Variants in CTSL observed in about 807,000 individuals in gnomAD.
CTSL encodes procathepsin L.
In CTSL, 23 loss-of-function variants were observed where a neutral mutation model predicts 34.7. The ratio of observed to expected loss-of-function variants is 0.66; its 90% CI spans 0.48 to 0.94. The LOEUF (loss-of-function observed/expected upper bound fraction) is 0.94, where lower values mean the gene tolerates loss of function less well. Ranked by LOEUF, CTSL falls within the 40% of genes least tolerant of loss-of-function variation. The probability of loss-of-function intolerance (pLI) is 0.00; values close to 1 mark genes in which losing one functional copy is unlikely to be tolerated. For synonymous variants in CTSL, 129 were observed against 136.7 expected (o/e 0.94, Z 0.39); for missense variants, 361 against 406.3 (o/e 0.89, Z 0.96).
At chr9:87,727,940 T>G in intron 2 of CTSL, 87 bp from the exon 3 acceptor site, 1 of 1,580,202 alleles carries the variant, frequency 6.3e-7, no homozygotes, top group South Asian at 1.1e-5. Flanking sequence ...ATGGTTTCTC[T>G]TCCATCTCTG....
In CTSL at chr9:87,731,324, CTT is replaced by C. The variant is rs561658820; in HGVS notation, c.*219_*220del. 1.6e-5 allele frequency: 6 copies of C among 379,512 alleles called. No homozygotes were observed. In the Admixed American group the frequency reaches 1.8e-4, roughly 11 times the overall value. The allele number at this position is 379,512 out of a possible 1,614,324, so 23.5% of individuals were successfully genotyped here. ...TTTATATTATTGATTCACTTACTGA[CTT>C]TGCATTTTCGTTTTTAAAAGGATGT... On this transcript the variant is annotated 3_prime_UTR_variant, in exon 8 of 8. Coordinates refer to ENST00000343150, the MANE Select transcript of CTSL (RefSeq NM_001912.5).
At chr9:87,727,869 A>C in intron 2 of CTSL, 140 bp downstream of exon 2, 1 of 1,399,112 alleles carries the variant, frequency 7.1e-7, no homozygotes, top group Non-Finnish European at 9.9e-7. Context: ...GTGGACATTC[A>C]TCCTTGTTGT....
rs1160218489 is a variant in CTSL at position 87,729,740 on chromosome 9, G to A, written c.784+5G>A. Reference sequence around the variant, plus strand: ...CCTTCCTGTTCTATAAAGAAGGTAAGCATATTTTTCTTTGTAGAAATTGAT... The same window carrying A: ...CCTTCCTGTTCTATAAAGAAGGTAAACATATTTTTCTTTGTAGAAATTGAT... On this transcript the variant is annotated splice_donor_5th_base_variant and intron_variant, in intron 6 of 7. Coordinates refer to ENST00000343150, the MANE Select transcript of CTSL (RefSeq NM_001912.5). 2 of 1,591,102 alleles carry A rather than the reference G, an allele frequency of 1.3e-6. No individual in the cohort carries two copies. The highest frequency in any genetic ancestry group is 1.7e-6 in the Non-Finnish European group (2 of 1,170,894).
chr9:87,727,559 G>C (rs762664177), intron 1 of CTSL, 35 bp from the exon 2 acceptor site: 2 of 1,610,716 alleles, frequency 1.2e-6, no homozygotes, highest in Non-Finnish European at 1.7e-6. Flanking sequence ...TTTAGGATTG[G>C]TCTAATCAGA....
At chr9:87,727,881 T>C (rs1826088260) in intron 2 of CTSL, 146 bp from the exon 3 acceptor site, 1 of 1,407,984 alleles carries the variant, frequency 7.1e-7, no homozygotes, top group Non-Finnish European at 9.8e-7. Context: ...CCTTGTTGTG[T>C]CTCAGTTTGG....
intron 5 of CTSL, chr9:87,729,093 G>A (rs540560266): frequency 2.2e-5 from 16 of 719,200 alleles, no homozygotes; most frequent in East Asian, 1.7e-4. Context: ...GAGGTAGGGC[G>A]ATTGCTTGAG....
chr9:87,727,483 G>T (rs1030267574), intron 1 of CTSL, 111 bp from the exon 2 acceptor site: 1 of 1,154,506 alleles, frequency 8.7e-7, no homozygotes. Flanking sequence ...ATGCTTGGGA[G>T]AATAATTTAA....
chr9:87,727,992 G>T, intron 2 of CTSL, 35 bp from the exon 3 acceptor site: 1 of 1,610,938 alleles, frequency 6.2e-7, no homozygotes, highest in Non-Finnish European at 8.5e-7. Context: ...GTTTTAGGTA[G>T]AAGTAAAGAG....
In CTSL at chr9:87,728,730, G is replaced by A. The variant is rs1419953841; in HGVS notation, c.542G>A (p.Gly181Asp). The change falls in exon 5 of 8, where the codon GGC becomes GAC. Residue 181 changes from glycine (G) to aspartate (D), a missense_variant. By Grantham distance (94) the Gly-to-Asp change is moderately conservative. Coordinates refer to ENST00000343150, the MANE Select transcript of CTSL (RefSeq NM_001912.5). ...GPQGNEGCNG[G>D]LMDYAFQYVQ... is the part of the protein sequence containing the mutation. ...CAAGGCAATGAAGGCTGCAATGGTG[G>A]CCTAATGGATTATGCTTTCCAGTAT... 1 of 1,614,168 alleles carries A rather than the reference G, an allele frequency of 6.2e-7. No homozygotes were observed. The highest frequency in any genetic ancestry group is 1.6e-4 in the Middle Eastern group (1 of 6,062).
At chr9:87,729,251 C>T (rs1826160917) in intron 5 of CTSL, among the ~76,000 whole-genome samples, 1 of 152,002 alleles carries the variant, frequency 6.6e-6, no homozygotes, top group Admixed American at 6.5e-5. Flanking sequence ...TTAGCCTTTG[C>T]ACAATCCTGT....
In CTSL at chr9:87,728,874, C is replaced by A. The variant is rs758771938; in HGVS notation, c.621+65C>A. On this transcript the variant is annotated intron_variant, in intron 5 of 7. Coordinates refer to ENST00000343150, the MANE Select transcript of CTSL (RefSeq NM_001912.5). ...GGAAGGTGGACACTTTAAGAGATAACAGATACCTTTTTCGGAATTCATATA... is the reference window on the plus strand; with the variant it reads ...GGAAGGTGGACACTTTAAGAGATAAAAGATACCTTTTTCGGAATTCATATA... 36 of 1,608,536 alleles carry A rather than the reference C, an allele frequency of 2.2e-5. 1 individual carries two copies. Among genetic ancestry groups the A allele is most frequent in the Non-Finnish European group, 8.5e-7 (1 of 1,176,606 alleles).
Position 87,728,351 on chromosome 9 carries a change from T to G in CTSL, c.351T>G (p.Ser117=), listed in dbSNP as rs139868873. 2.2e-4 allele frequency: 349 copies of G among 1,613,990 alleles called. No homozygotes were observed. Among genetic ancestry groups the G allele is most frequent in the Non-Finnish European group, 2.8e-4 (331 of 1,179,986 alleles). The change falls in exon 4 of 8, where the codon TCT becomes TCG. Residue 117 remains serine (S), a synonymous_variant. Transcript: ENST00000343150. ...QEPLFYEAPR[S]VDWREKGYVT... ...CTCTGTTTTATGAGGCCCCCAGATCTGTGGATTGGAGAGAGAAAGGCTACG... is the reference window on the plus strand; with the variant it reads ...CTCTGTTTTATGAGGCCCCCAGATCGGTGGATTGGAGAGAGAAAGGCTACG...
At chr9:87,729,798 A>T (rs368898910) in intron 6 of CTSL, 63 bp downstream of exon 6, 1 of 1,512,874 alleles carries the variant, frequency 6.6e-7, no homozygotes, top group African/African-American at 1.4e-5. Flanking sequence ...TACGAGCATG[A>T]TAGACTCTGG....
At chr9:87,729,244 G>C (rs1037729197) in intron 5 of CTSL, among the ~76,000 whole-genome samples, 7 of 151,918 alleles carry the variant, frequency 4.6e-5, no homozygotes, top group Non-Finnish European at 8.8e-5. Context: ...TAAATTATTA[G>C]CCTTTGCACA....
Position 87,731,395 on chromosome 9 carries a change from TG to T in CTSL, c.*290del. ...AAATAAAATTTAATTTCAAATGTAG[TG>T]GTGGGGCTTCTTTCTATTTTTGATG... On this transcript the variant is annotated 3_prime_UTR_variant, in exon 8 of 8. Transcript: ENST00000343150. The T allele has an allele frequency of 4.3e-6, 1 of 232,788 alleles. No homozygotes were observed. Among genetic ancestry groups the T allele is most frequent in the Non-Finnish European group, 8.4e-6 (1 of 118,958 alleles). 14.4% of individuals were successfully genotyped at this position (232,788 alleles called of 1,614,324 possible).
rs1826151274 is a variant in CTSL at position 87,729,002 on chromosome 9, A to G, written c.621+193A>G. 5.0e-6 allele frequency: 7 copies of G among 1,393,328 alleles called. No individual in the cohort carries two copies. The Admixed American group carries it at 2.0e-4, about 40-fold the overall frequency. The allele number at this position is 1,393,328 out of a possible 1,614,324, so 86.3% of individuals were successfully genotyped here. A position where few individuals can be genotyped will look rare whatever the true frequency, so the allele number is the denominator to read the frequency against. ...GGAGTTTGAGACCAGCCTGGGCAAC[A>G]AGGTGAAACCTTGACTCTATCAAAA... On this transcript the variant is annotated intron_variant, in intron 5 of 7. Coordinates refer to ENST00000343150, the MANE Select transcript of CTSL (RefSeq NM_001912.5).
At position 87,728,628 on chromosome 9, in the gene CTSL, T is replaced by C. The variant is rs1408841205; in HGVS notation, c.440T>C (p.Leu147Pro). 1 of 1,614,194 alleles carries C rather than the reference T, an allele frequency of 6.2e-7. No individual in the cohort carries two copies. Among genetic ancestry groups the C allele is most frequent in the Admixed American group, 1.7e-5 (1 of 60,014 alleles). Residue 147 changes from leucine to proline, a missense_variant, in exon 5 of 8, where the codon CTT (leucine) becomes CCT (proline). Transcript: ENST00000343150. ...TGGGCTTTTAGTGCTACTGGTGCTC[T>C]TGAAGGACAGATGTTCCGGAAAACT... Reference protein sequence around the residue: ...SCWAFSATGALEGQMFRKTGR... With the variant: ...SCWAFSATGAPEGQMFRKTGR...
At chr9:87,728,194 G>T in intron 3 of CTSL, 45 bp downstream of exon 3, 2 of 1,614,180 alleles carry the variant, frequency 1.2e-6, no homozygotes, top group Non-Finnish European at 8.5e-7. Context: ...CCTCTCTTCG[G>T]TTCTTTACTA....
At chr9:87,728,558 G>A in intron 4 of CTSL, 27 bp from the exon 5 acceptor site, 2 of 1,591,078 alleles carry the variant, frequency 1.3e-6, no homozygotes, top group Non-Finnish European at 1.7e-6. Context: ...TTTTGTGGAT[G>A]ACAGCTTTTT....
Sources: allele counts gnomAD v4.1 joint callset (sites outside exome capture counted in the v4.1 genomes callset), GRCh38; gene constraint gnomAD v4.1.1; transcripts MANE v1.5; gene names NCBI Gene and HGNC (gene_info 2026-07-23, HGNC 2026-07-21).